The following ACACA variants were observed in gnomAD, a reference collection of about 807,000 sequenced individuals.
The protein encoded by ACACA is acetyl-CoA carboxylase 1.
ACACA carries 103 observed loss-of-function variants against 296.1 expected under a neutral mutation model. That is an observed-to-expected ratio of 0.35 (90% CI 0.30 to 0.41). The LOEUF (loss-of-function observed/expected upper bound fraction) is 0.41. Among genes scored for constraint, ACACA ranks in the 10% least tolerant of loss-of-function variants. The probability of loss-of-function intolerance (pLI) is 1.00; values close to 1 mark genes in which losing one functional copy is unlikely to be tolerated. For synonymous variants in ACACA, 953 were observed against 1,038.6 expected (o/e 0.92, Z 1.58); for missense variants, 1,554 against 2,989.7 (o/e 0.52, Z 11.20).
Position 37,088,962 on chromosome 17 carries a change from T to G in ACACA, c.7004A>C (p.Asp2335Ala). The change falls in exon 55 of 56, where the codon GAC becomes GCC. Residue 2335 changes from aspartate to alanine, a missense_variant. Transcript: ENST00000616317. The part of the protein sequence containing the change: ...IEENIKCISR[D>A]YVLKQIRSLV... ...CCTGCGGATTTGCTTGAGGACGTAG[T>G]CTCTGCTGATGCATTTGATGTTTTC... 6.2e-7 allele frequency: 1 copy of G among 1,614,232 alleles called. No individual in the cohort carries two copies. The highest frequency in any genetic ancestry group is 8.5e-7 in the Non-Finnish European group (1 of 1,180,040).
Position 37,121,430 on chromosome 17 carries a change from T to C in ACACA, c.6199A>G (p.Ile2067Val). 6.2e-7 allele frequency: 1 copy of C among 1,614,194 alleles called. No homozygotes were observed. Among genetic ancestry groups the C allele is most frequent in the Non-Finnish European group, 8.5e-7 (1 of 1,180,028 alleles). Residue 2067 changes from isoleucine (I) to valine (V), a missense_variant, in exon 50 of 56, where the codon ATC (isoleucine) becomes GTC (valine). By Grantham distance (29) the Ile-to-Val change is conservative. Coordinates refer to ENST00000616317, the MANE Select transcript of ACACA (RefSeq NM_198834.3). ...AGCCCTTCCCGGTTGAAGTCCTTGA[T>C]GGCCTGATACGTCTTAAACGCAGAA... ...PDSAFKTYQA[I>V]KDFNREGLPL...
intron 40 of ACACA, 107 bp from the exon 41 acceptor site, chr17:37,179,513 C>G: frequency 1.6e-6 from 2 of 1,245,842 alleles, no homozygotes; most frequent in South Asian, 2.5e-5. Context: ...TCCAAGTGTT[C>G]TGCAGAGTGT....
chr17:37,137,513 G>C (rs2075382697), intron 45 of ACACA, among the ~76,000 whole-genome samples: 1 of 152,124 alleles, frequency 6.6e-6, no homozygotes, highest in Admixed American at 6.5e-5. Context: ...CATAAGAACA[G>C]CTTTATACCT....
intron 27 of ACACA, among the ~76,000 whole-genome samples, chr17:37,224,000 G>C (rs774115432): frequency 6.6e-6 from 1 of 152,178 alleles, no homozygotes; most frequent in South Asian, 2.1e-4. Flanking sequence ...TCAGGAGTTC[G>C]AGACCAGCCT....
chr17:37,126,139 C>G (rs1381463384), intron 47 of ACACA, among the ~76,000 whole-genome samples: 4 of 152,200 alleles, frequency 2.6e-5, no homozygotes, highest in African/African-American at 7.2e-5. Flanking sequence ...GCTGCCAAGT[C>G]ATTAAAGATA....
chr17:37,296,903 G>C (rs2083363646), intron 3 of ACACA, among the ~76,000 whole-genome samples: 1 of 150,538 alleles, frequency 6.6e-6, no homozygotes, highest in Non-Finnish European at 1.5e-5. Context: ...TTTTAGTAGA[G>C]ATGGAGTTTC....
chr17:37,161,902 G>C lies in ACACA; in HGVS notation c.5228C>G (p.Ala1743Gly). Residue 1743 changes from alanine to glycine, a missense_variant, in exon 42 of 56, where the codon GCT (alanine) becomes GGT (glycine). Around this residue, in one of 16 missense-constraint regions of ACACA, gnomAD observed 553 missense variants for 1,043.6 expected, o/e 0.53. Transcript: ENST00000616317. The part of the protein sequence containing the change: ...DLLFLRASEL[A>G]RAEGIPRIYV... ...GATGCGTGGAATACCTTCTGCCCTA[G>C]CAAGTTCGGAAGCTCTGAGAAATAA... is the stretch of plus-strand genomic sequence containing the variant. The C allele has an allele frequency of 6.2e-7, 1 of 1,614,156 alleles. No homozygotes were observed. Among genetic ancestry groups the C allele is most frequent in the Non-Finnish European group, 8.5e-7 (1 of 1,180,022 alleles).
At chr17:37,331,917 T>C (rs569693340) in intron 2 of ACACA, among the ~76,000 whole-genome samples, 6 of 152,168 alleles carry the variant, frequency 3.9e-5, no homozygotes, top group East Asian at 1.9e-4. Flanking sequence ...AAAAAAACTT[T>C]ACTTGTCCTC....
intron 47 of ACACA, among the ~76,000 whole-genome samples, chr17:37,128,693 T>G (rs1159693074): frequency 6.6e-6 from 1 of 152,230 alleles, no homozygotes; most frequent in Non-Finnish European, 1.5e-5. Context: ...TTTCCTGTTT[T>G]GTTTCTAAGT....
intron 49 of ACACA, 44 bp downstream of exon 49, chr17:37,122,487 A>T: frequency 6.5e-7 from 1 of 1,530,228 alleles, no homozygotes; most frequent in Non-Finnish European, 9.1e-7. Context: ...TGCGAAGAGA[A>T]AAACCCTCCA....
chr17:37,230,398 AT>A (rs1747786938), intron 25 of ACACA, among the ~76,000 whole-genome samples: 1 of 145,084 alleles, frequency 6.9e-6, no homozygotes, highest in Non-Finnish European at 1.5e-5. Context: ...AAATAAATAA[AT>A]AAATAAATAA....
chr17:37,125,996 C>T (rs74899376), intron 47 of ACACA, among the ~76,000 whole-genome samples: 1,830 of 152,200 alleles, frequency 0.012, 43 homozygotes, highest in African/African-American at 0.04. Flanking sequence ...TGCTAGTCTG[C>T]ATAAAAAGAA....
At chr17:37,129,840 G>T (rs2075004840) in intron 46 of ACACA, among the ~76,000 whole-genome samples, 2 of 152,198 alleles carry the variant, frequency 1.3e-5, no homozygotes, top group Non-Finnish European at 2.9e-5. Context: ...GGCCATGAGG[G>T]CTTCCGTGGC....
intron 6 of ACACA, 77 bp downstream of exon 6, chr17:37,277,819 T>A: frequency 8.8e-7 from 1 of 1,134,360 alleles, no homozygotes. Flanking sequence ...ACAAAAATGT[T>A]CTTCTCTAGA....
chr17:37,263,462 ATTTT>A (rs931837767), intron 11 of ACACA, among the ~76,000 whole-genome samples: 2 of 152,022 alleles, frequency 1.3e-5, no homozygotes, highest in Non-Finnish European at 2.9e-5. Context: ...TGGTACGCTG[ATTTT>A]TTTTAGAAAG....
intron 4 of ACACA, among the ~76,000 whole-genome samples, chr17:37,283,986 C>T (rs2082661564): frequency 6.6e-6 from 1 of 152,218 alleles, no homozygotes; most frequent in Admixed American, 6.5e-5. Context: ...ACCTATCTTG[C>T]AGTCATGCCT....
At chr17:37,296,819 C>T (rs974590623) in intron 3 of ACACA, among the ~76,000 whole-genome samples, 2 of 151,918 alleles carry the variant, frequency 1.3e-5, no homozygotes, top group Non-Finnish European at 2.9e-5. Flanking sequence ...CAGGTTCAAG[C>T]AATTCTCGTG....
chr17:37,191,812 G>C lies in ACACA; in HGVS notation c.4416+278C>G, dbSNP rs77176253. On this transcript the variant is annotated intron_variant, in intron 37 of 55. Coordinates refer to ENST00000616317, the MANE Select transcript of ACACA (RefSeq NM_198834.3). ...TTTTCTTGAGTGTTATTATGCTTCT[G>C]CTACCAAGAAAAATCAAATTAAAGT... Among the ~76,000 whole-genome samples the C allele has an allele frequency of 5.0e-3, 749 of 149,796 alleles. 5 individuals are homozygous for C. Among genetic ancestry groups the C allele is most frequent in the Non-Finnish European group, 4.0e-3 (272 of 67,618 alleles).
chr17:37,304,137 C>T (rs752513539), intron 3 of ACACA, among the ~76,000 whole-genome samples: 2 of 151,956 alleles, frequency 1.3e-5, no homozygotes, highest in African/African-American at 2.4e-5. Flanking sequence ...TAGGTATATC[C>T]TCTTTGGTTT....
Sources: allele counts gnomAD v4.1 joint callset (sites outside exome capture counted in the v4.1 genomes callset), GRCh38; gene constraint gnomAD v4.1.1; regional missense constraint gnomAD v4.1.1; transcripts MANE v1.5; gene names NCBI Gene and HGNC (gene_info 2026-07-23, HGNC 2026-07-21).